Variants in ANO3 observed in about 807,000 individuals in gnomAD.
ANO3 encodes anoctamin-3.
ANO3 carries 99 observed loss-of-function variants against 144.8 expected under a neutral mutation model. The observed-to-expected ratio is 0.68, with a 90% CI of 0.58 to 0.81. The LOEUF is 0.81. Ranked by LOEUF, ANO3 falls within the 30% of genes least tolerant of loss-of-function variation. The pLI is 0.00. For missense variants in ANO3, 905 were observed against 1,202.2 expected, an observed-to-expected ratio of 0.75 and a Z score of 3.66; for synonymous variants, 414 against 392.6, an observed-to-expected ratio of 1.05 and a Z score of -0.64.
At chr11:26,594,711 C>T (rs1038689829) in intron 14 of ANO3, among the ~76,000 whole-genome samples, 13 of 151,996 alleles carry the variant, frequency 8.6e-5, no homozygotes, top group African/African-American at 2.7e-4. Context: ...GGGAGAACAC[C>T]AGGGCAGGGA....
At chr11:26,305,343 G>A (rs1384534775), upstream of ANO3, among the ~76,000 whole-genome samples, 1 of 151,938 alleles carries the variant, frequency 6.6e-6, no homozygotes, top group Non-Finnish European at 1.5e-5. Context: ...AACAACTTCT[G>A]ACATTGGCTG....
At chr11:26,477,813 CT>C (rs1195001476) in intron 4 of ANO3, among the ~76,000 whole-genome samples, 6 of 152,214 alleles carry the variant, frequency 3.9e-5, no homozygotes, top group Admixed American at 3.9e-4. Flanking sequence ...GGAAATCAAT[CT>C]TGTCTTTAAA....
intron 14 of ANO3, chr11:26,563,354 T>G: frequency 7.7e-7 from 1 of 1,301,268 alleles, no homozygotes; most frequent in South Asian, 1.6e-5. Context: ...TAACAAAGAA[T>G]GTTTAACATT....
chr11:26,211,833 T>A (rs1235972978), intron 1 of ANO3, among the ~76,000 whole-genome samples: 5 of 152,166 alleles, frequency 3.3e-5, no homozygotes, highest in African/African-American at 4.8e-5. Flanking sequence ...AATTATAGAC[T>A]GGATAAAGAA....
At chr11:26,526,775 C>T (rs770779341) in intron 7 of ANO3, among the ~76,000 whole-genome samples, 1 of 152,226 alleles carries the variant, frequency 6.6e-6, no homozygotes, top group African/African-American at 2.4e-5. Flanking sequence ...TAATGATGCT[C>T]TTCAACCGAG....
At chr11:26,560,865 A>G in intron 14 of ANO3, 1 of 491,156 alleles carries the variant, frequency 2.0e-6, no homozygotes, top group Non-Finnish European at 3.5e-6. Flanking sequence ...TAAATGCCTC[A>G]GGATGGCCAA....
chr11:26,487,025 C>G (rs965347920), intron 4 of ANO3, among the ~76,000 whole-genome samples: 1 of 152,186 alleles, frequency 6.6e-6, no homozygotes, highest in Non-Finnish European at 1.5e-5. Context: ...TTGCAAGGAG[C>G]GTTTGGTGAC....
At chr11:26,482,736 T>C (rs1313395259) in intron 4 of ANO3, among the ~76,000 whole-genome samples, 1 of 152,184 alleles carries the variant, frequency 6.6e-6, no homozygotes, top group Non-Finnish European at 1.5e-5. Context: ...ACTCATTAAG[T>C]AATTTCTCAT....
chr11:26,401,378 C>T (rs796264941), intron 1 of ANO3, among the ~76,000 whole-genome samples: 10 of 152,124 alleles, frequency 6.6e-5, no homozygotes, highest in African/African-American at 1.7e-4. Flanking sequence ...TGAGAATGCT[C>T]CTGCTAGAGA....
intron 14 of ANO3, among the ~76,000 whole-genome samples, chr11:26,596,859 G>A (rs1851643846): frequency 6.6e-6 from 1 of 152,218 alleles, no homozygotes; most frequent in African/African-American, 2.4e-5. Flanking sequence ...AGGAGTTCAG[G>A]ACGACAGCTT....
chr11:26,572,152 G>T (rs1048039348), intron 14 of ANO3: 6 of 984,966 alleles, frequency 6.1e-6, no homozygotes, highest in Admixed American at 6.2e-5. Context: ...TGACAATGTC[G>T]CACTGAGCAG....
chr11:26,267,885 G>A (rs767853250), intron 1 of ANO3, among the ~76,000 whole-genome samples: 2 of 151,534 alleles, frequency 1.3e-5, no homozygotes, highest in Non-Finnish European at 2.9e-5. Context: ...TTTTCTTTCT[G>A]ATATCTTGGC....
chr11:26,541,450 A>G (rs150723327), intron 10 of ANO3, among the ~76,000 whole-genome samples: 4,130 of 152,266 alleles, frequency 0.027, 94 homozygotes, highest in Non-Finnish European at 0.044. Flanking sequence ...ATAATAAAAA[A>G]AGAGAGAAGA....
At chr11:26,610,400 TA>T (rs1565140990) in intron 17 of ANO3, among the ~76,000 whole-genome samples, 2 of 151,736 alleles carry the variant, frequency 1.3e-5, no homozygotes, top group East Asian at 1.9e-4. Flanking sequence ...CTAATCAGGT[TA>T]TTTGTTTTTT....
chr11:26,642,844 C>A (rs933431796), intron 22 of ANO3, among the ~76,000 whole-genome samples: 4 of 151,504 alleles, frequency 2.6e-5, no homozygotes, highest in Non-Finnish European at 5.9e-5. Context: ...ATTCTTTCTT[C>A]TTCCTCCTCC....
intron 1 of ANO3, among the ~76,000 whole-genome samples, chr11:26,334,306 C>T (rs1368742697): frequency 6.6e-6 from 1 of 152,176 alleles, no homozygotes; most frequent in Non-Finnish European, 1.5e-5. Context: ...GCTTCTTAAT[C>T]CTGCATGGGC....
At chr11:26,204,002 G>A (rs896935806) in intron 1 of ANO3, among the ~76,000 whole-genome samples, 4 of 152,272 alleles carry the variant, frequency 2.6e-5, no homozygotes, top group Admixed American at 2.6e-4. Context: ...GGTAGAGGAT[G>A]AGAGGAAGAA....
intron 1 of ANO3, among the ~76,000 whole-genome samples, chr11:26,242,713 T>C (rs1299371217): frequency 6.6e-6 from 1 of 152,188 alleles, no homozygotes; most frequent in Non-Finnish European, 1.5e-5. Flanking sequence ...GCTTACCAAG[T>C]AGCAAGTTAG....
intron 1 of ANO3, among the ~76,000 whole-genome samples, chr11:26,360,332 A>T (rs1386828354): frequency 6.6e-6 from 1 of 152,004 alleles, no homozygotes; most frequent in Non-Finnish European, 1.5e-5. Flanking sequence ...GCTACCCAGA[A>T]TGTCTGTGGG....
Sources: allele counts gnomAD v4.1 joint callset (sites outside exome capture counted in the v4.1 genomes callset), GRCh38; gene constraint gnomAD v4.1.1; transcripts MANE v1.5; gene names NCBI Gene and HGNC (gene_info 2026-07-23, HGNC 2026-07-21).